The following PLCG2 variants were observed in gnomAD, a reference collection of about 807,000 sequenced individuals.
PLCG2 encodes the protein 1-phosphatidylinositol 4,5-bisphosphate phosphodiesterase gamma-2.
In PLCG2, 69 loss-of-function variants were observed where a neutral mutation model predicts 175.6. The ratio of observed to expected loss-of-function variants is 0.39; its 90% CI spans 0.32 to 0.48. The LOEUF (loss-of-function observed/expected upper bound fraction) is 0.48. Ranked by LOEUF, PLCG2 falls within the 20% of genes least tolerant of loss-of-function variation. The pLI is 0.91. For missense variants in PLCG2, 1,798 were observed against 1,650.9 expected, an observed-to-expected ratio of 1.09 and a Z score of -1.54; for synonymous variants, 827 against 624.0, an observed-to-expected ratio of 1.33 and a Z score of -4.85.
At chr16:81,954,868 C>G (rs926492186) in intron 31 of PLCG2, among the ~76,000 whole-genome samples, 2 of 152,108 alleles carry the variant, frequency 1.3e-5, no homozygotes, top group South Asian at 4.2e-4. Context: ...AATGGGATTG[C>G]TGGGTCAAAT....
chr16:81,895,065 G>A lies in PLCG2; in HGVS notation c.1073-742G>A, dbSNP rs12325079. ...ATGTTTAAAAGTAAAGCTTGAAGCAGTCAGCTCCTGTGCCCTCCAGGGGTC... is the reference window on the plus strand; with the variant it reads ...ATGTTTAAAAGTAAAGCTTGAAGCAATCAGCTCCTGTGCCCTCCAGGGGTC... On this transcript the variant is annotated intron_variant, in intron 12 of 32. Transcript: ENST00000564138. Among the ~76,000 whole-genome samples, 742 of 152,260 alleles carry A rather than the reference G, an allele frequency of 4.9e-3. 8 individuals carry two copies. The highest frequency in any genetic ancestry group is 0.017 in the African/African-American group (720 of 41,544).
intron 1 of PLCG2, among the ~76,000 whole-genome samples, chr16:81,780,558 T>C (rs1910682852): frequency 6.6e-6 from 1 of 152,114 alleles, no homozygotes; most frequent in Non-Finnish European, 1.5e-5. Context: ...TCAGGGACAA[T>C]CGTCATTGTG....
chr16:81,768,552 GTTTTTTTTTTTTTT>G lies in PLCG2; in HGVS notation c.-48+12600_-48+12613del, dbSNP rs769292122. ...TCACCAGCACTCGGTGTTATCCTCA[GTTTTTTTTTTTTTT>G]TTTTTTTTTTTTTCCCGAGATGGAG... On this transcript the variant is annotated intron_variant, in intron 2 of 5. Transcript: ENST00000565054. Among the ~76,000 whole-genome samples, 669 of 105,420 alleles carry G rather than the reference GTTTTTTTTTTTTTT, an allele frequency of 6.3e-3. 4 individuals are homozygous for G. Among genetic ancestry groups the G allele is most frequent in the African/African-American group, 0.025 (623 of 24,626 alleles). The allele number at this position is 105,420 out of a possible 152,430, so 69.2% of individuals were successfully genotyped here.
intron 2 of PLCG2, among the ~76,000 whole-genome samples, chr16:81,774,069 T>G (rs1910343709): frequency 6.7e-6 from 1 of 150,322 alleles, no homozygotes. Context: ...CAGTGACTTA[T>G]GCCTGTAATC....
intron 26 of PLCG2, chr16:81,935,443 T>C (rs1048192579): frequency 2.6e-6 from 2 of 778,616 alleles, no homozygotes; most frequent in African/African-American, 3.8e-5. Context: ...AAAAAGACCT[T>C]CTACCACATT....
intron 2 of PLCG2, among the ~76,000 whole-genome samples, chr16:81,798,243 A>G (rs979134442): frequency 6.6e-6 from 1 of 152,224 alleles, no homozygotes; most frequent in African/African-American, 2.4e-5. Flanking sequence ...TGTACTTAAC[A>G]CAGGGTGCCT....
intron 2 of PLCG2, among the ~76,000 whole-genome samples, chr16:81,833,865 A>G (rs1481287029): frequency 1.3e-5 from 2 of 152,126 alleles, no homozygotes; most frequent in Non-Finnish European, 2.9e-5. Flanking sequence ...TGTCTTGCCT[A>G]ACGATTGCCT....
At chr16:81,849,474 C>T (rs777646033) in intron 2 of PLCG2, among the ~76,000 whole-genome samples, 4 of 152,142 alleles carry the variant, frequency 2.6e-5, no homozygotes, top group East Asian at 3.9e-4. Flanking sequence ...AAGATCCCCT[C>T]TTGGCTGGGC....
At chr16:81,816,665 T>C (rs866477050) in intron 2 of PLCG2, among the ~76,000 whole-genome samples, 1,540 of 140,194 alleles carry the variant, frequency 0.011, 126 homozygotes, top group African/African-American at 0.038. Context: ...TTTTTTTTTT[T>C]TTTTTTTTTT....
chr16:81,777,328 A>G (rs575725566), upstream of PLCG2, among the ~76,000 whole-genome samples: 5 of 152,230 alleles, frequency 3.3e-5, no homozygotes, highest in Admixed American at 6.5e-5. Flanking sequence ...CTTTGTAATA[A>G]TAAATTATAC....
At chr16:81,853,612 C>T (rs1555512705) in intron 2 of PLCG2, among the ~76,000 whole-genome samples, 3 of 152,156 alleles carry the variant, frequency 2.0e-5, no homozygotes, top group Non-Finnish European at 4.4e-5. Context: ...AATCTGATGC[C>T]GCTGCTGATC....
chr16:81,856,633 C>G (rs951967972), intron 3 of PLCG2, among the ~76,000 whole-genome samples: 15 of 152,260 alleles, frequency 9.9e-5, no homozygotes, highest in African/African-American at 1.4e-4. Flanking sequence ...GGGTTAAAAG[C>G]TAACACTCTT....
intron 18 of PLCG2, among the ~76,000 whole-genome samples, chr16:81,911,528 C>G (rs1686549668): frequency 6.6e-6 from 1 of 152,058 alleles, no homozygotes; most frequent in South Asian, 2.1e-4. Context: ...GCCTCGAGCT[C>G]CTGGGCTCAA....
At chr16:81,837,615 T>C (rs1458872052) in intron 2 of PLCG2, among the ~76,000 whole-genome samples, 1 of 151,590 alleles carries the variant, frequency 6.6e-6, no homozygotes, top group Admixed American at 6.6e-5. Context: ...GTTGGGAGTG[T>C]GGTTTCCTTC....
chr16:81,824,009 C>T (rs1244128018), intron 2 of PLCG2, among the ~76,000 whole-genome samples: 3 of 22,892 alleles, frequency 1.3e-4, no homozygotes, highest in Admixed American at 6.6e-4. Flanking sequence ...TTTCTTTTTC[C>T]TTTCCTTTCC....
intron 7 of PLCG2, 38 bp downstream of exon 7, chr16:81,870,973 C>A: frequency 8.7e-7 from 1 of 1,154,228 alleles, no homozygotes; most frequent in Non-Finnish European, 1.3e-6. Flanking sequence ...AGTGATGTTT[C>A]TGTTTTCCAT....
At chr16:81,808,856 G>A (rs548674079) in intron 2 of PLCG2, among the ~76,000 whole-genome samples, 1 of 152,166 alleles carries the variant, frequency 6.6e-6, no homozygotes, top group African/African-American at 2.4e-5. Context: ...TTCCCCCTAT[G>A]CAAAATGGGG....
chr16:81,794,786 G>A (rs1295180762), intron 2 of PLCG2, among the ~76,000 whole-genome samples: 1 of 152,186 alleles, frequency 6.6e-6, no homozygotes, highest in East Asian at 1.9e-4. Context: ...AGGCAAGATG[G>A]CATTGTAGAA....
chr16:81,817,678 G>A (rs912350895), intron 2 of PLCG2, among the ~76,000 whole-genome samples: 1 of 152,110 alleles, frequency 6.6e-6, no homozygotes, highest in Non-Finnish European at 1.5e-5. Flanking sequence ...TAGAGATAGG[G>A]TCTCACTGTG....
Sources: allele counts gnomAD v4.1 joint callset (sites outside exome capture counted in the v4.1 genomes callset), GRCh38; gene constraint gnomAD v4.1.1; transcripts MANE v1.5; gene names NCBI Gene and HGNC (gene_info 2026-07-23, HGNC 2026-07-21).